Variants in FN1 observed in about 807,000 individuals in gnomAD.
FN1 encodes fibronectin 1.
FN1 carries 106 observed loss-of-function variants against 297.3 expected under a neutral mutation model. That is an observed-to-expected ratio of 0.36 (90% CI 0.30 to 0.42). FN1 has a LOEUF of 0.42. Among genes scored for constraint, FN1 ranks in the 10% least tolerant of loss-of-function variants. The pLI, the probability that FN1 is intolerant of heterozygous loss-of-function variation, is 1.00. For missense variants in FN1, 2,690 were observed against 3,124.9 expected (o/e 0.86, Z 3.32); for synonymous variants, 1,149 against 1,152.6 (o/e 1.00, Z 0.06).
intron 20 of FN1, among the ~76,000 whole-genome samples, chr2:215,403,616 G>A (rs1012465619): frequency 1.3e-5 from 2 of 152,188 alleles, no homozygotes; most frequent in African/African-American, 4.8e-5. Context: ...AAATGGAAAT[G>A]TATTTAATAG....
intron 12 of FN1, 72 bp downstream of exon 12, chr2:215,419,170 G>T: frequency 1.5e-6 from 2 of 1,335,546 alleles, no homozygotes; most frequent in Non-Finnish European, 2.2e-6. Context: ...AGGCATGAGA[G>T]CATTAATAAT....
chr2:215,384,113 G>C lies in FN1; in HGVS notation c.4801C>G (p.Pro1601Ala). The change falls in exon 30 of 46, where the codon CCT becomes GCT. Residue 1601 changes from proline to alanine, a missense_variant. Coordinates refer to ENST00000354785, the MANE Select transcript of FN1 (RefSeq NM_212482.4). ...ACAGTGATGGTATAATCAACTCCAG[G>C]TTTAAGGCCGCTGATGGTAGCTGTA... ...KSTATISGLK[P>A]GVDYTITVYA... The C allele has an allele frequency of 6.2e-7, 1 of 1,614,114 alleles. No individual in the cohort carries two copies. The highest frequency in any genetic ancestry group is 1.3e-5 in the African/African-American group (1 of 75,020).
At chr2:215,420,059 A>G (rs1199298381) in intron 11 of FN1, among the ~76,000 whole-genome samples, 1 of 152,198 alleles carries the variant, frequency 6.6e-6, no homozygotes, top group Non-Finnish European at 1.5e-5. Flanking sequence ...GGCGGCCAAA[A>G]AAAAACCTAG....
At chr2:215,364,851 G>T (rs370181342) in intron 44 of FN1, 28 bp downstream of exon 44, 476 of 1,463,184 alleles carry the variant, frequency 3.3e-4, no homozygotes, top group Non-Finnish European at 3.6e-4. Context: ...TATCTAACTT[G>T]TAGGGAGCCT....
intron 23 of FN1, 50 bp downstream of exon 23, chr2:215,397,087 T>C (rs1217187736): frequency 8.7e-7 from 1 of 1,145,594 alleles, no homozygotes; most frequent in Non-Finnish European, 1.3e-6. Flanking sequence ...AAAATCTTTG[T>C]CTTGGGAAGG....
chr2:215,377,298 G>A (rs1031801861), intron 35 of FN1, among the ~76,000 whole-genome samples: 1 of 152,090 alleles, frequency 6.6e-6, no homozygotes, highest in Admixed American at 6.6e-5. Flanking sequence ...ATATAATTTG[G>A]ATATTTGTCC....
Position 215,419,310 on chromosome 2 carries a change from C to A in FN1, c.1751G>T (p.Arg584Ile), listed in dbSNP as rs745549684. Residue 584 changes from arginine (R) to isoleucine (I), a missense_variant, in exon 12 of 46, where the codon AGA becomes ATA. By Grantham distance (97) the Arg-to-Ile change is moderately conservative. Transcript: ENST00000354785. ...DSWEKYVHGV[R>I]YQCYCYGRGI... is the part of the protein sequence containing the mutation. ...ACGGCCATAGCAGTAGCACTGGTAT[C>A]TGACACCATGCACATACTTCTCCCA... 6.2e-7 allele frequency: 1 copy of A among 1,611,384 alleles called. No homozygotes were observed. Among genetic ancestry groups the A allele is most frequent in the Non-Finnish European group, 8.5e-7 (1 of 1,177,598 alleles).
rs1393985249 is a variant in FN1 at position 215,420,773 on chromosome 2, G to T, written c.1575C>A (p.Tyr525Ter). ...RDQCIVDDIT[Y>*]NVNDTFHKRH... ...GCTTGTGGAATGTGTCGTTCACATTGTAAGTGATGTCATCAACAATGCACT... is the reference window on the plus strand; with the variant it reads ...GCTTGTGGAATGTGTCGTTCACATTTTAAGTGATGTCATCAACAATGCACT... Residue 525 changes from tyrosine (Y) to a stop codon, truncating the protein, a stop_gained, in exon 11 of 46, where the codon TAC (tyrosine) becomes TAA (stop). Transcript: ENST00000354785. LOFTEE classifies it high-confidence loss of function. The T allele has an allele frequency of 6.2e-7, 1 of 1,613,960 alleles. No individual in the cohort carries two copies. Among genetic ancestry groups the T allele is most frequent in the Non-Finnish European group, 8.5e-7 (1 of 1,179,796 alleles).
chr2:215,414,932 TA>T lies in FN1; in HGVS notation c.1845del (p.Phe615LeufsTer37). On this transcript the variant is annotated frameshift_variant, in exon 13 of 46. Coordinates refer to ENST00000354785, the MANE Select transcript of FN1 (RefSeq NM_212482.4). LOFTEE classifies it high-confidence loss of function. ...YPSSSGPVEVFITETPSQPNS... is the reference protein window; with the variant it reads ...YPSSSGPVEVXITETPSQPNS... ...TTGGGCTGACTCGGAGTCTCAGTGA[TA>T]AATACTTCGACAGGACCACTTGAGC... 6.2e-7 allele frequency: 1 copy of T among 1,613,936 alleles called. No homozygotes were observed. Among genetic ancestry groups the T allele is most frequent in the Non-Finnish European group, 8.5e-7 (1 of 1,179,852 alleles).
At chr2:215,390,206 C>A (rs561447840) in intron 26 of FN1, among the ~76,000 whole-genome samples, 1 of 152,132 alleles carries the variant, frequency 6.6e-6, no homozygotes, top group Non-Finnish European at 1.5e-5. Context: ...TTTTTTGAGA[C>A]AGGGTCTCAC....
At chr2:215,370,252 A>G in intron 41 of FN1, 42 bp downstream of exon 41, 1 of 1,607,514 alleles carries the variant, frequency 6.2e-7, no homozygotes, top group Non-Finnish European at 8.5e-7. Context: ...TCTGGTGTAC[A>G]GCAGAGGGGA....
chr2:215,394,517 T>C lies in FN1; in HGVS notation c.3796+11A>G, dbSNP rs1468143799. On this transcript the variant is annotated intron_variant, in intron 24 of 45. Coordinates refer to ENST00000354785, the MANE Select transcript of FN1 (RefSeq NM_212482.4). Reference sequence around the variant, plus strand: ...TGTCACTCTCAGGATAGCAGCTTATTTTTCTATTACCTGGGATGATGGTAT... The same window carrying C: ...TGTCACTCTCAGGATAGCAGCTTATCTTTCTATTACCTGGGATGATGGTAT... 3 of 1,607,784 alleles carry C rather than the reference T, an allele frequency of 1.9e-6. No individual in the cohort carries two copies. The highest frequency in any genetic ancestry group is 1.3e-5 in the African/African-American group (1 of 74,796).
intron 20 of FN1, among the ~76,000 whole-genome samples, chr2:215,400,781 AAAAT>A (rs1186864888): frequency 6.7e-6 from 1 of 149,522 alleles, no homozygotes; most frequent in Non-Finnish European, 1.5e-5. Context: ...AAAAAGAAAG[AAAAT>A]AAAATTTTAC....
chr2:215,417,037 T>A (rs2063521829), intron 12 of FN1, among the ~76,000 whole-genome samples: 1 of 152,234 alleles, frequency 6.6e-6, no homozygotes, highest in Admixed American at 6.5e-5. Context: ...ATTTCTTAGA[T>A]CAATTAAATT....
intron 28 of FN1, among the ~76,000 whole-genome samples, chr2:215,385,272 T>C (rs1349005896): frequency 8.1e-6 from 1 of 122,956 alleles, no homozygotes; most frequent in East Asian, 2.3e-4. Context: ...AAAAAAAAAG[T>C]GATACAAGGC....
intron 24 of FN1, chr2:215,393,717 T>C (rs182315757): frequency 6.6e-6 from 1 of 152,370 alleles, no homozygotes; most frequent in African/African-American, 2.4e-5. Context: ...CGCTAATGCA[T>C]TATGAATGTA....
chr2:215,394,501 C>T, intron 24 of FN1, 27 bp downstream of exon 24: 6 of 1,574,442 alleles, frequency 3.8e-6, no homozygotes, highest in Non-Finnish European at 5.2e-6. Flanking sequence ...GTGTCACTCT[C>T]AGGATAGCAG....
chr2:215,365,030 T>G, intron 43 of FN1, 45 bp from the exon 44 acceptor site: 1 of 1,234,548 alleles, frequency 8.1e-7, no homozygotes, highest in Non-Finnish European at 1.2e-6. Flanking sequence ...CTGAGAACAA[T>G]ACTGCAGACT....
At chr2:215,414,694 T>A in intron 13 of FN1, 143 bp downstream of exon 13, 2 of 1,443,826 alleles carry the variant, frequency 1.4e-6, no homozygotes, top group East Asian at 5.0e-5. Flanking sequence ...GACCACATAT[T>A]GTTTGTTCAC....
Sources: gnomAD v4.1 joint callset for allele counts (sites outside exome capture counted in the v4.1 genomes callset) on GRCh38, gnomAD v4.1.1 for gene constraint, MANE v1.5 for transcripts, NCBI Gene and HGNC (gene_info 2026-07-23, HGNC 2026-07-21) for gene names.